FGD4: variants seen among roughly 807,000 people sequenced by gnomAD.
FGD4 encodes FYVE, RhoGEF and PH domain-containing protein 4.
A neutral mutation model predicts 102.0 loss-of-function variants in FGD4; 42 were observed. That is an observed-to-expected ratio of 0.41 (90% CI 0.32 to 0.53). The LOEUF (loss-of-function observed/expected upper bound fraction) is 0.53, where lower values mean the gene tolerates loss of function less well. Ranked by LOEUF, FGD4 falls within the 20% of genes least tolerant of loss-of-function variation. FGD4 has a pLI of 0.21. For synonymous variants in FGD4, 380 were observed against 375.7 expected (o/e 1.01, Z -0.13); for missense variants, 902 against 1,078.2 (o/e 0.84, Z 2.29).
chr12:32,475,108 C>G (rs12315721), intron 1 of FGD4, among the ~76,000 whole-genome samples: 23,308 of 152,132 alleles, frequency 0.15, 3,936 homozygotes, highest in African/African-American at 0.41. Context: ...TGTTGAGGAA[C>G]TAGTTCACTA....
chr12:32,590,016 A>C (rs1947339188), intron 4 of FGD4, among the ~76,000 whole-genome samples: 1 of 152,104 alleles, frequency 6.6e-6, no homozygotes, highest in South Asian at 2.1e-4. Flanking sequence ...CTATATTATA[A>C]AGCAAGGAAT....
chr12:32,480,653 A>G (rs1211402335), intron 1 of FGD4, among the ~76,000 whole-genome samples: 1 of 150,074 alleles, frequency 6.7e-6, no homozygotes, highest in Non-Finnish European at 1.5e-5. Context: ...GGCACGCACC[A>G]CCATGGCCAG....
intron 1 of FGD4, among the ~76,000 whole-genome samples, chr12:32,418,231 C>T (rs1042448734): frequency 7.2e-5 from 11 of 152,164 alleles, no homozygotes; most frequent in African/African-American, 2.7e-4. Context: ...GCTGGGATTA[C>T]AGGCGTGAGC....
At position 32,636,880 on chromosome 12, in the gene FGD4, T is replaced by A. The variant is rs113154327; in HGVS notation, c.2314-1775T>A. ...TTTTTCAGTATTTTTTTTCTTTTTT[T>A]TTTTTTTTTAGACAGAGTCTTGCTC... On this transcript the variant is annotated intron_variant, in intron 15 of 16. Transcript: ENST00000534526. Among the ~76,000 whole-genome samples, 3 of 150,038 alleles carry A rather than the reference T, an allele frequency of 2.0e-5. No individual in the cohort carries two copies. In the East Asian group the frequency reaches 5.9e-4, roughly 30 times the overall value.
chr12:32,522,217 A>T (rs1940617579), intron 1 of FGD4, among the ~76,000 whole-genome samples: 2 of 152,188 alleles, frequency 1.3e-5, no homozygotes, highest in Non-Finnish European at 1.5e-5. Context: ...AGATTGTATT[A>T]AAAAAGAAAC....
intron 1 of FGD4, among the ~76,000 whole-genome samples, chr12:32,530,138 T>C (rs1217557076): frequency 2.0e-5 from 3 of 152,092 alleles, no homozygotes; most frequent in Non-Finnish European, 4.4e-5. Context: ...TTGAATATAA[T>C]ATAGGTAGGC....
intron 15 of FGD4, among the ~76,000 whole-genome samples, chr12:32,635,302 A>G (rs934399423): frequency 8.5e-5 from 13 of 152,208 alleles, no homozygotes; most frequent in Admixed American, 7.9e-4. Context: ...AGACTGGCAC[A>G]ATATAATGAG....
intron 1 of FGD4, among the ~76,000 whole-genome samples, chr12:32,490,478 C>A (rs1159534816): frequency 1.3e-5 from 2 of 148,592 alleles, no homozygotes; most frequent in Non-Finnish European, 3.0e-5. Flanking sequence ...CTCACTGCAA[C>A]CTCCACCTCC....
intron 4 of FGD4, among the ~76,000 whole-genome samples, chr12:32,594,369 A>G (rs1947707710): frequency 6.6e-6 from 1 of 152,148 alleles, no homozygotes; most frequent in Non-Finnish European, 1.5e-5. Flanking sequence ...ATGACCGATG[A>G]TCTGTCGCTG....
chr12:32,474,095 A>AT (rs1469198931), intron 1 of FGD4, among the ~76,000 whole-genome samples: 2 of 152,190 alleles, frequency 1.3e-5, no homozygotes, highest in African/African-American at 4.8e-5. Flanking sequence ...CTCAAAAAAA[A>AT]AAAACAAAAA....
At chr12:32,573,792 A>T (rs1945890667) in intron 2 of FGD4, among the ~76,000 whole-genome samples, 1 of 152,212 alleles carries the variant, frequency 6.6e-6, no homozygotes, top group African/African-American at 2.4e-5. Context: ...TTTTATCAAC[A>T]TCATTAAAGT....
chr12:32,633,317 T>C (rs1950599666), intron 14 of FGD4, among the ~76,000 whole-genome samples: 1 of 152,154 alleles, frequency 6.6e-6, no homozygotes, highest in Non-Finnish European at 1.5e-5. Flanking sequence ...TCAAAGTCTT[T>C]GAAGGTCTTC....
chr12:32,454,680 G>A (rs1440140578), intron 1 of FGD4, among the ~76,000 whole-genome samples: 1 of 152,110 alleles, frequency 6.6e-6, no homozygotes, highest in East Asian at 1.9e-4. Context: ...GTCTTTGATT[G>A]TAGTAGTTTT....
chr12:32,404,822 C>T (rs1940854247), intron 1 of FGD4, among the ~76,000 whole-genome samples: 1 of 152,130 alleles, frequency 6.6e-6, no homozygotes, highest in Non-Finnish European at 1.5e-5. Flanking sequence ...TGTGCATGTG[C>T]ATGAATATCA....
intron 1 of FGD4, chr12:32,486,127 A>G (rs552761755): frequency 2.0e-6 from 3 of 1,530,308 alleles, no homozygotes; most frequent in South Asian, 1.2e-5. Flanking sequence ...TATGAAAAGA[A>G]TCTTTTATGG....
Position 32,640,363 on chromosome 12 carries a change from C to T in FGD4, c.2542C>T (p.Leu848=). 1 of 1,614,194 alleles carries T rather than the reference C, an allele frequency of 6.2e-7. No individual in the cohort carries two copies. Residue 848 remains leucine, a synonymous_variant, in exon 17 of 17, where the codon CTG becomes TTG. Transcript: ENST00000534526. ...CGCAGACCTGCCACACAGTTTCAAA[C>T]TGACCCAGTCTAAGTCCGTGCACAG... ...RSADLPHSFK[L]TQSKSVHSFA...
chr12:32,516,298 T>C (rs1228164172), intron 1 of FGD4, among the ~76,000 whole-genome samples: 5 of 152,104 alleles, frequency 3.3e-5, no homozygotes, highest in African/African-American at 7.2e-5. Context: ...TGCGCCACCA[T>C]GCCTGGCTAA....
intron 1 of FGD4, among the ~76,000 whole-genome samples, chr12:32,498,746 G>A (rs1172895731): frequency 6.6e-6 from 1 of 152,072 alleles, no homozygotes; most frequent in Non-Finnish European, 1.5e-5. Context: ...TGGACCACAG[G>A]CGCACACCAC....
intron 14 of FGD4, among the ~76,000 whole-genome samples, chr12:32,627,434 G>A (rs143079370): frequency 0.013 from 2,055 of 152,294 alleles, 41 homozygotes; most frequent in African/African-American, 0.046. Context: ...GATTACAGGC[G>A]TGAGCCACTG....
Sources: allele counts gnomAD v4.1 joint callset (sites outside exome capture counted in the v4.1 genomes callset), GRCh38; gene constraint gnomAD v4.1.1; transcripts MANE v1.5; gene names NCBI Gene and HGNC (gene_info 2026-07-23, HGNC 2026-07-21).